Variants in PTPRD observed in about 807,000 individuals in gnomAD.
The protein encoded by PTPRD is protein tyrosine phosphatase receptor type D.
PTPRD carries 34 observed loss-of-function variants against 214.5 expected under a neutral mutation model. The ratio of observed to expected loss-of-function variants is 0.16; its 90% CI spans 0.12 to 0.21. The LOEUF (loss-of-function observed/expected upper bound fraction) is 0.21, where lower values mean the gene tolerates loss of function less well. Ranked by LOEUF, PTPRD falls within the 10% of genes least tolerant of loss-of-function variation. The probability of loss-of-function intolerance (pLI) is 1.00; values close to 1 mark genes in which losing one functional copy is unlikely to be tolerated. For missense variants in PTPRD, 2,545 were observed against 2,398.7 expected (o/e 1.06, Z -1.27); for synonymous variants, 1,128 against 845.7 (o/e 1.33, Z -5.79).
At chr9:10,127,766 A>G (rs1477033619) in intron 3 of PTPRD, among the ~76,000 whole-genome samples, 1 of 152,074 alleles carries the variant, frequency 6.6e-6, no homozygotes. Flanking sequence ...TCTCTAAACT[A>G]CTGCAATAAT....
intron 8 of PTPRD, among the ~76,000 whole-genome samples, chr9:9,435,460 G>C (rs1385064197): frequency 6.6e-6 from 1 of 151,508 alleles, no homozygotes; most frequent in Non-Finnish European, 1.5e-5. Context: ...GCAGTAAGCT[G>C]AGCTATGACT....
At chr9:9,835,106 G>C (rs965663098) in intron 5 of PTPRD, among the ~76,000 whole-genome samples, 2 of 151,996 alleles carry the variant, frequency 1.3e-5, no homozygotes, top group Admixed American at 1.3e-4. Context: ...CATATTGCTA[G>C]TACCAAAGCA....
chr9:9,592,805 G>A (rs2092873967), intron 7 of PTPRD, among the ~76,000 whole-genome samples: 2 of 152,114 alleles, frequency 1.3e-5, no homozygotes, highest in African/African-American at 2.4e-5. Flanking sequence ...AGCACTTTGG[G>A]AGGTTGAGGT....
In PTPRD at chr9:9,878,585, A is replaced by C. The variant is rs564262449; in HGVS notation, c.-368+59922T>G. 4.6e-5 allele frequency among the ~76,000 whole-genome samples: 7 copies of C among 152,334 alleles called. No homozygotes were observed. In the East Asian group the frequency reaches 1.3e-3, roughly 29 times the overall value. On this transcript the variant is annotated intron_variant, in intron 5 of 45. Coordinates refer to ENST00000381196, the MANE Select transcript of PTPRD (RefSeq NM_002839.4). ...AATAGAGAAAATGTTTAGACCTATA[A>C]GAGTAAGGTCTGTCAACCTAAGTCC...
intron 14 of PTPRD, among the ~76,000 whole-genome samples, chr9:8,538,708 G>T (rs1197005244): frequency 1.3e-5 from 2 of 151,542 alleles, no homozygotes; most frequent in Non-Finnish European, 2.9e-5. Flanking sequence ...AAATGAGTAT[G>T]CATGCACAAA....
At position 9,556,091 on chromosome 9, in the gene PTPRD, G is replaced by A. The variant is rs535036988; in HGVS notation, c.-237+18641C>T. Among the ~76,000 whole-genome samples, 3 of 152,082 alleles carry A rather than the reference G, an allele frequency of 2.0e-5. No individual in the cohort carries two copies. The South Asian group carries it at 6.2e-4, about 31-fold the overall frequency. Reference sequence around the variant, plus strand: ...ACTTAACTATGAATAACCTATTATTGACCAGAAACCTTACTGATAACATAG... The same window carrying A: ...ACTTAACTATGAATAACCTATTATTAACCAGAAACCTTACTGATAACATAG... On this transcript the variant is annotated intron_variant, in intron 8 of 45. Coordinates refer to ENST00000381196, the MANE Select transcript of PTPRD (RefSeq NM_002839.4).
At chr9:9,599,981 T>G (rs2093632370) in intron 7 of PTPRD, among the ~76,000 whole-genome samples, 1 of 152,070 alleles carries the variant, frequency 6.6e-6, no homozygotes, top group Admixed American at 6.6e-5. Context: ...CCCCAGAGTA[T>G]TCCCCTTGCT....
intron 5 of PTPRD, among the ~76,000 whole-genome samples, chr9:9,923,050 T>C (rs2083046218): frequency 6.6e-6 from 1 of 151,616 alleles, no homozygotes; most frequent in Non-Finnish European, 1.5e-5. Flanking sequence ...AAAACACACA[T>C]TGAAATATTT....
At chr9:9,349,331 G>C (rs2050182479) in intron 9 of PTPRD, among the ~76,000 whole-genome samples, 1 of 152,036 alleles carries the variant, frequency 6.6e-6, no homozygotes, top group Non-Finnish European at 1.5e-5. Flanking sequence ...AGCAGTATCA[G>C]ACTATCAGTC....
intron 5 of PTPRD, among the ~76,000 whole-genome samples, chr9:9,847,434 G>A (rs918988820): frequency 4.9e-4 from 74 of 151,932 alleles, no homozygotes; most frequent in African/African-American, 1.4e-3. Flanking sequence ...ATATTTTTCC[G>A]AGAAATGACT....
At chr9:10,497,311 A>T (rs888601018) in intron 2 of PTPRD, among the ~76,000 whole-genome samples, 10 of 152,140 alleles carry the variant, frequency 6.6e-5, no homozygotes, top group Middle Eastern at 3.4e-3. Flanking sequence ...GTTGAATTTT[A>T]AAAAACTTGC....
At chr9:10,577,860 G>A (rs1004068211) in intron 2 of PTPRD, among the ~76,000 whole-genome samples, 1 of 151,148 alleles carries the variant, frequency 6.6e-6, no homozygotes, top group Non-Finnish European at 1.5e-5. Flanking sequence ...CATGTTTATA[G>A]TACAGGAACA....
At chr9:8,753,655 A>G (rs890895540) in intron 11 of PTPRD, among the ~76,000 whole-genome samples, 1 of 152,242 alleles carries the variant, frequency 6.6e-6, no homozygotes, top group Non-Finnish European at 1.5e-5. Flanking sequence ...TACAAGATCA[A>G]TATAAGAAAC....
chr9:10,515,816 C>T (rs1292760764), intron 2 of PTPRD, among the ~76,000 whole-genome samples: 2 of 151,864 alleles, frequency 1.3e-5, no homozygotes, highest in East Asian at 3.9e-4. Flanking sequence ...TTTTTCATAC[C>T]TTGGAATCAT....
At chr9:8,855,436 T>C (rs1389551168) in intron 11 of PTPRD, among the ~76,000 whole-genome samples, 1 of 152,206 alleles carries the variant, frequency 6.6e-6, no homozygotes, top group East Asian at 1.9e-4. Context: ...ACAACTGCTC[T>C]GGCCCAAGAA....
At chr9:9,546,274 G>GA (rs535655449) in intron 8 of PTPRD, among the ~76,000 whole-genome samples, 22 of 149,894 alleles carry the variant, frequency 1.5e-4, no homozygotes, top group African/African-American at 2.7e-4. Context: ...TGTCATCTGA[G>GA]AAAAAAAAAT....
At chr9:8,322,877 C>T (rs910175039) in intron 44 of PTPRD, among the ~76,000 whole-genome samples, 1 of 152,134 alleles carries the variant, frequency 6.6e-6, no homozygotes, top group African/African-American at 2.4e-5. Context: ...GGGGCTCATG[C>T]AGCTGGTGAC....
At chr9:10,297,260 T>G (rs977231703) in intron 3 of PTPRD, among the ~76,000 whole-genome samples, 2 of 151,812 alleles carry the variant, frequency 1.3e-5, no homozygotes, top group Admixed American at 6.6e-5. Context: ...TAATTTAATT[T>G]GTGGCACCAT....
chr9:9,784,109 T>C (rs1294234662), intron 5 of PTPRD, among the ~76,000 whole-genome samples: 1 of 152,152 alleles, frequency 6.6e-6, no homozygotes. Context: ...AAAGATTTCC[T>C]ATAAGATAAG....
Sources: gnomAD v4.1 joint callset for allele counts (sites outside exome capture counted in the v4.1 genomes callset) on GRCh38, gnomAD v4.1.1 for gene constraint, MANE v1.5 for transcripts, NCBI Gene and HGNC (gene_info 2026-07-23, HGNC 2026-07-21) for gene names.